Variants in RAD51D observed in about 807,000 individuals in gnomAD.
RAD51D encodes the protein RAD51 paralog D.
A neutral mutation model predicts 44.1 loss-of-function variants in RAD51D; 38 were observed. The observed-to-expected ratio is 0.86, with a 90% CI of 0.67 to 1.13. RAD51D has a LOEUF of 1.13. Among genes scored for constraint, RAD51D ranks in the 50% most tolerant of loss-of-function variants. RAD51D has a pLI of 0.00. For missense variants in RAD51D, 390 were observed against 414.0 expected (o/e 0.94, Z 0.50); for synonymous variants, 141 against 166.6 (o/e 0.85, Z 1.18).
At chr17:35,117,182 G>C in intron 3 of RAD51D, 1 of 886,012 alleles carries the variant, frequency 1.1e-6, no homozygotes, top group East Asian at 2.5e-5. Flanking sequence ...CTTAAGGGCA[G>C]GGGCCTTGCC....
At chr17:35,111,354 C>CAA (rs60278898) in intron 3 of RAD51D, among the ~76,000 whole-genome samples, 1 of 127,380 alleles carries the variant, frequency 7.9e-6, no homozygotes, top group Non-Finnish European at 1.7e-5. Flanking sequence ...AACTCCATCT[C>CAA]AAAAAAAAAA....
At chr17:35,101,409 G>A (rs746176124) in intron 8 of RAD51D, 44 bp from the exon 9 acceptor site, 2 of 1,590,774 alleles carry the variant, frequency 1.3e-6, no homozygotes, top group South Asian at 2.2e-5. Flanking sequence ...CTAGTATAGA[G>A]GACATCGATT....
At chr17:35,106,239 G>A (rs747886910) in intron 6 of RAD51D, 147 bp downstream of exon 6, 2 of 774,408 alleles carry the variant, frequency 2.6e-6, no homozygotes, top group Non-Finnish European at 4.7e-6. Context: ...TAGGTGCTCG[G>A]GAATTCCATC....
rs1597862471 is a variant in RAD51D, at chr17:35,106,987, C to T, written c.480+1G>A. The T allele has an allele frequency of 6.2e-7, 1 of 1,614,212 alleles. No homozygotes were observed. The highest frequency in any genetic ancestry group is 8.5e-7 in the Non-Finnish European group (1 of 1,180,042). ...AATGGAACCCAGCATCCTGCCCTTA[C>T]CTGTTCCTCCTCATCCTGGGTTTTA... is the stretch of plus-strand genomic sequence containing the variant. On this transcript the variant is annotated splice_donor_variant, in intron 5 of 9. Coordinates refer to ENST00000345365, the MANE Select transcript of RAD51D (RefSeq NM_002878.4). LOFTEE classifies it high-confidence loss of function.
rs2142420981 is a variant in RAD51D at position 35,103,525 on chromosome 17, G to C, written c.596C>G (p.Thr199Ser). 1 of 1,614,158 alleles carries C rather than the reference G, an allele frequency of 6.2e-7. No homozygotes were observed. ...VAQQVTGSSG[T>S]VKVVVVDSVT... Reference sequence around the variant, plus strand: ...CGAGTCCACAACCACCACCTTCACAGTTCCTGAAGAACCAGTCACCTGAAG... The same window carrying C: ...CGAGTCCACAACCACCACCTTCACACTTCCTGAAGAACCAGTCACCTGAAG... Residue 199 changes from threonine to serine, a missense_variant, in exon 7 of 10, where the codon ACT becomes AGT. By Grantham distance (58) the Thr-to-Ser change is moderately conservative (BLOSUM62 1). Transcript: ENST00000345365. The surrounding 1 kb of genome is among the most constrained non-coding windows in gnomAD (Gnocchi z 4.1).
At position 35,098,847 on chromosome 17, in the gene RAD51D, A is replaced by AT. The variant is rs959751167; in HGVS notation, c.*2105dup. 2.0e-4 allele frequency: 30 copies of AT among 149,428 alleles called. No individual in the cohort carries two copies. The highest frequency in any genetic ancestry group is 3.4e-3 in the Middle Eastern group (1 of 292). 9.3% of individuals were successfully genotyped at this position (149,428 alleles called of 1,614,324 possible). ...GTTAAGTAACAGGATGGGCCAGATG[A>AT]TTTTTTTTTTCCTTGAGACAGGGTC... is the stretch of plus-strand genomic sequence containing the variant. On this transcript the variant is annotated 3_prime_UTR_variant, in exon 10 of 10. Coordinates refer to ENST00000345365, the MANE Select transcript of RAD51D (RefSeq NM_002878.4).
intron 3 of RAD51D, among the ~76,000 whole-genome samples, chr17:35,111,689 T>C (rs1215881710): frequency 6.6e-6 from 1 of 152,234 alleles, no homozygotes; most frequent in Non-Finnish European, 1.5e-5. Context: ...TATGTAGCTA[T>C]ATAGCAAGTC....
chr17:35,104,891 A>C (rs1597860292), intron 6 of RAD51D: 1 of 147,478 alleles, frequency 6.8e-6, no homozygotes, highest in African/African-American at 2.5e-5. Context: ...CTGGTCCTGA[A>C]CTCCTGGGCT....
chr17:35,119,724 C>A lies in RAD51D; in HGVS notation c.-111G>T, dbSNP rs1306420780. The A allele has an allele frequency of 9.2e-6, 10 of 1,087,714 alleles. No individual in the cohort carries two copies. Among genetic ancestry groups the A allele is most frequent in the South Asian group, 2.5e-5 (2 of 78,946 alleles). The allele number at this position is 1,087,714 out of a possible 1,614,324, so 67.4% of individuals were successfully genotyped here. A position where few individuals can be genotyped will look rare whatever the true frequency, so the allele number is the denominator to read the frequency against. On this transcript the variant is annotated 5_prime_UTR_variant, in exon 1 of 10. Coordinates refer to ENST00000345365, the MANE Select transcript of RAD51D (RefSeq NM_002878.4). The stretch of plus-strand genomic sequence containing the variant: ...CCCCTTCCTAGAGAGGACACAGGCG[C>A]GCTGGCTGCCGGAGGAGAAAGGAGA...
rs1555568282 is a variant in RAD51D, at chr17:35,106,992, T to C, written c.476A>G (p.Glu159Gly). The stretch of plus-strand genomic sequence containing the variant: ...AACCCAGCATCCTGCCCTTACCTGT[T>C]CCTCCTCATCCTGGGTTTTAGCCTG... ...LLQAKTQDEE[E>G]QAEALRRIQV... is the part of the protein sequence containing the mutation. Residue 159 changes from glutamate (E) to glycine (G), a missense_variant, in exon 5 of 10, where the codon GAA becomes GGA. Physicochemically the swap from Glu to Gly is moderately conservative, Grantham distance 98. Transcript: ENST00000345365. 1.2e-6 allele frequency: 2 copies of C among 1,614,212 alleles called. No individual in the cohort carries two copies. Among genetic ancestry groups the C allele is most frequent in the Non-Finnish European group, 1.7e-6 (2 of 1,180,044 alleles).
At chr17:35,115,150 G>A in intron 3 of RAD51D, 1 of 420,374 alleles carries the variant, frequency 2.4e-6, no homozygotes, top group South Asian at 1.7e-5. Flanking sequence ...GCCCCATGAA[G>A]CAGAAGTACA....
At chr17:35,110,632 C>A (rs760565096) in intron 3 of RAD51D, among the ~76,000 whole-genome samples, 5 of 152,142 alleles carry the variant, frequency 3.3e-5, no homozygotes, top group Admixed American at 6.5e-5. Context: ...CTATGATGTC[C>A]AATAGCTCCA....
At position 35,106,096 on chromosome 17, in the gene RAD51D, A is replaced by G. The variant is rs1172878272; in HGVS notation, c.576+290T>C. The G allele has an allele frequency of 1.1e-5, 6 of 566,296 alleles. No individual in the cohort carries two copies. The Admixed American group carries it at 1.2e-4, about 11-fold the overall frequency. 35.1% of individuals were successfully genotyped at this position (566,296 alleles called of 1,614,324 possible). On this transcript the variant is annotated intron_variant, in intron 6 of 9. Coordinates refer to ENST00000345365, the MANE Select transcript of RAD51D (RefSeq NM_002878.4). The stretch of plus-strand genomic sequence containing the variant: ...TTCAAGTCTCTGTCAGACAACCTCT[A>G]TTACTTGCAGCTAAAAGTATTCCTC...
In RAD51D at chr17:35,118,812, G is replaced by A. The variant is rs764696017; in HGVS notation, c.145-193C>T. On this transcript the variant is annotated intron_variant, in intron 2 of 9. Coordinates refer to ENST00000345365, the MANE Select transcript of RAD51D (RefSeq NM_002878.4). ...GATTGGAGTGCAGTAGCACGATCTCGGCTCACTGCAACCTCTGCCTCCCGG... is the reference window on the plus strand; with the variant it reads ...GATTGGAGTGCAGTAGCACGATCTCAGCTCACTGCAACCTCTGCCTCCCGG... Among the ~76,000 whole-genome samples, 6 of 152,234 alleles carry A rather than the reference G, an allele frequency of 3.9e-5. No individual in the cohort carries two copies. The East Asian group carries it at 5.8e-4, about 15-fold the overall frequency.
At chr17:35,119,472 G>A (rs759285469) in intron 1 of RAD51D, 60 bp downstream of exon 1, 131 of 1,575,380 alleles carry the variant, frequency 8.3e-5, no homozygotes, top group South Asian at 4.3e-4. Flanking sequence ...GCCAGCCCTC[G>A]GGGCCTGCCC....
chr17:35,119,559 G>T lies in RAD51D; in HGVS notation c.55C>A (p.Leu19Ile). 1 of 1,612,784 alleles carries T rather than the reference G, an allele frequency of 6.2e-7. No homozygotes were observed. The change falls in exon 1 of 10, where the codon CTT becomes ATT. Residue 19 changes from leucine (L) to isoleucine (I), a missense_variant. Coordinates refer to ENST00000345365, the MANE Select transcript of RAD51D (RefSeq NM_002878.4). ...CPGLTEEMIQ[L>I]LRSHRIKTVV... is the part of the protein sequence containing the mutation. ...GTCTTGATCCTGTGGCTCCTGAGAA[G>T]CTGGATCATCTCCTCGGTAAGGCCA...
intron 3 of RAD51D, chr17:35,115,215 C>G (rs556715505): frequency 4.2e-4 from 214 of 508,594 alleles, no homozygotes; most frequent in African/African-American, 3.8e-3. Flanking sequence ...TATCCTCTGC[C>G]TTTCCCTCTG....
chr17:35,105,944 G>A (rs2091597156), intron 6 of RAD51D, among the ~76,000 whole-genome samples: 1 of 152,134 alleles, frequency 6.6e-6, no homozygotes, highest in African/African-American at 2.4e-5. Flanking sequence ...AAGATGCTTG[G>A]AGCTTTGGCA....
rs2142412675 is a variant in RAD51D, at chr17:35,101,372, C to T, written c.739-7G>A. On this transcript the variant is annotated splice_polypyrimidine_tract_variant and splice_region_variant and intron_variant, in intron 8 of 9. Coordinates refer to ENST00000345365, the MANE Select transcript of RAD51D (RefSeq NM_002878.4). ...GAGTTATGTGGTTGGTCACCTGCAGCAGAAACAGACTTACAGATCCATAAT... is the reference window on the plus strand; with the variant it reads ...GAGTTATGTGGTTGGTCACCTGCAGTAGAAACAGACTTACAGATCCATAAT... The T allele has an allele frequency of 6.2e-7, 1 of 1,613,038 alleles. No homozygotes were observed. Among genetic ancestry groups the T allele is most frequent in the Non-Finnish European group, 8.5e-7 (1 of 1,179,870 alleles).
Sources: allele counts gnomAD v4.1 joint callset (sites outside exome capture counted in the v4.1 genomes callset), GRCh38; gene constraint gnomAD v4.1.1; non-coding constraint Gnocchi (gnomAD v3.1); transcripts MANE v1.5; gene names NCBI Gene and HGNC (gene_info 2026-07-23, HGNC 2026-07-21).